The following DLD variants were observed in gnomAD, a reference collection of about 807,000 sequenced individuals.
DLD encodes dihydrolipoyl dehydrogenase, mitochondrial.
In DLD, 36 loss-of-function variants were observed where a neutral mutation model predicts 62.2. The observed-to-expected ratio is 0.58, with a 90% CI of 0.44 to 0.76. DLD has a LOEUF of 0.76. DLD is among the 30% of genes least tolerant of loss of function. DLD has a pLI of 0.00. For synonymous variants in DLD, 204 were observed against 199.6 expected (o/e 1.02, Z -0.19); for missense variants, 541 against 608.6 (o/e 0.89, Z 1.17).
chr7:107,910,597 T>G (rs2032116696), intron 8 of DLD, among the ~76,000 whole-genome samples: 1 of 152,206 alleles, frequency 6.6e-6, no homozygotes, highest in Admixed American at 6.5e-5. Context: ...TGAACAGATT[T>G]AAATTTGAAT....
At chr7:107,893,687 T>C (rs34822274) in intron 2 of DLD, 49,446 of 156,434 alleles carry the variant, frequency 0.32, 9,184 homozygotes, top group Non-Finnish European at 0.41. Flanking sequence ...GAAACAACAC[T>C]GAGAAAGGCC....
chr7:107,897,513 GACTGGCTCACTA>G (rs1474438242), intron 2 of DLD, among the ~76,000 whole-genome samples: 11 of 151,440 alleles, frequency 7.3e-5, no homozygotes, highest in African/African-American at 2.4e-4. Context: ...CAGTACACGT[GACTGGCTCACTA>G]ACTGGCACAT....
chr7:107,916,455 A>G (rs185799433), intron 9 of DLD, among the ~76,000 whole-genome samples: 18 of 152,240 alleles, frequency 1.2e-4, no homozygotes, highest in Admixed American at 1.1e-3. Context: ...TGGGCAGATC[A>G]TGAAGTCAAG....
At chr7:107,903,917 G>A (rs1365334489) in intron 5 of DLD, 1 of 196,314 alleles carries the variant, frequency 5.1e-6, no homozygotes, top group Non-Finnish European at 1.1e-5. Context: ...AGGAAGGAAG[G>A]AAGGCCCACT....
Position 107,893,259 on chromosome 7 carries a change from A to G in DLD, c.99A>G (p.Arg33=). 1 of 1,613,314 alleles carries G rather than the reference A, an allele frequency of 6.2e-7. No homozygotes were observed. Among genetic ancestry groups the G allele is most frequent in the Non-Finnish European group, 8.5e-7 (1 of 1,179,608 alleles). ...GLQGLSAVPL[R]TYADQPIDAD... ...AGGGACTTTCTGCAGTGCCTCTGAGAACTTACGCAGATCAGCCGAGTAAGT... is the reference window on the plus strand; with the variant it reads ...AGGGACTTTCTGCAGTGCCTCTGAGGACTTACGCAGATCAGCCGAGTAAGT... Residue 33 remains arginine, a synonymous_variant, in exon 2 of 14, where the codon AGA becomes AGG. Coordinates refer to ENST00000205402, the MANE Select transcript of DLD (RefSeq NM_000108.5).
intron 8 of DLD, among the ~76,000 whole-genome samples, chr7:107,908,666 CAAAA>C (rs34468175): frequency 5.4e-5 from 6 of 111,368 alleles, no homozygotes; most frequent in Admixed American, 5.3e-4. Flanking sequence ...GACCCTGTCT[CAAAA>C]AAAAAAAAAA....
chr7:107,918,296 A>G (rs2032320610), intron 12 of DLD, among the ~76,000 whole-genome samples: 1 of 152,106 alleles, frequency 6.6e-6, no homozygotes, highest in East Asian at 1.9e-4. Context: ...ACACCAGATT[A>G]TGCCCCTTAA....
At chr7:107,908,480 C>T (rs1299263838) in intron 8 of DLD, among the ~76,000 whole-genome samples, 1 of 151,694 alleles carries the variant, frequency 6.6e-6, no homozygotes, top group African/African-American at 2.4e-5. Context: ...CTAGCCTGGG[C>T]AACAATGTGA....
intron 1 of DLD, among the ~76,000 whole-genome samples, chr7:107,892,330 A>G (rs2031602597): frequency 6.6e-6 from 1 of 152,202 alleles, no homozygotes; most frequent in Admixed American, 6.5e-5. Flanking sequence ...CCAGAACGTA[A>G]GTACATTACT....
intron 3 of DLD, among the ~76,000 whole-genome samples, 178 bp downstream of exon 3, chr7:107,901,995 GA>G (rs2031887302): frequency 6.6e-6 from 1 of 152,144 alleles, no homozygotes; most frequent in South Asian, 2.1e-4. Context: ...TCTTGGAATG[GA>G]AAGTGAAATC....
intron 8 of DLD, among the ~76,000 whole-genome samples, chr7:107,912,820 G>A (rs2032176072): frequency 6.6e-6 from 1 of 152,084 alleles, no homozygotes; most frequent in East Asian, 1.9e-4. Context: ...CCATTTGTCT[G>A]TTTTTGCTTT....
Position 107,901,749 on chromosome 7 carries a change from G to T in DLD, c.130G>T (p.Val44Leu), listed in dbSNP as rs541422927. 3.1e-6 allele frequency: 5 copies of T among 1,613,476 alleles called. No homozygotes were observed. The highest frequency in any genetic ancestry group is 4.5e-5 in the East Asian group (2 of 44,802). ...TGCTTTTATCGTAGTTGATGCTGAT[G>T]TAACAGTTATAGGTTCTGGTCCTGG... The part of the protein sequence containing the change: ...TYADQPIDAD[V>L]TVIGSGPGGY... Residue 44 changes from valine to leucine, a missense_variant, in exon 3 of 14, where the codon GTA becomes TTA. Coordinates refer to ENST00000205402, the MANE Select transcript of DLD (RefSeq NM_000108.5).
At chr7:107,913,541 T>C (rs2032194630) in intron 8 of DLD, among the ~76,000 whole-genome samples, 1 of 151,918 alleles carries the variant, frequency 6.6e-6, no homozygotes, top group African/African-American at 2.4e-5. Flanking sequence ...TTGTCCACTG[T>C]TGGTGTATAT....
At chr7:107,909,267 G>C (rs1358958849) in intron 8 of DLD, among the ~76,000 whole-genome samples, 1 of 152,026 alleles carries the variant, frequency 6.6e-6, no homozygotes, top group Non-Finnish European at 1.5e-5. Flanking sequence ...TCTTGATTCT[G>C]TCACTCTTAT....
At position 107,915,655 on chromosome 7, in the gene DLD, T is replaced by G; in HGVS notation, c.834T>G (p.Val278=). ...TTAAATTTAAATTGAATACAAAGGT[T>G]ACTGGTGCTACCAAGAAGTCAGATG... is the stretch of plus-strand genomic sequence containing the variant. ...QGFKFKLNTK[V]TGATKKSDGK... is the part of the protein sequence containing the mutation. Residue 278 remains valine (V), a synonymous_variant, in exon 9 of 14, where the codon GTT becomes GTG. Transcript: ENST00000205402. 1 of 1,613,794 alleles carries G rather than the reference T, an allele frequency of 6.2e-7. No individual in the cohort carries two copies. The highest frequency in any genetic ancestry group is 1.1e-5 in the South Asian group (1 of 91,078).
intron 1 of DLD, among the ~76,000 whole-genome samples, chr7:107,892,789 C>T (rs2031620927): frequency 6.6e-6 from 1 of 152,144 alleles, no homozygotes; most frequent in South Asian, 2.1e-4. Context: ...CTCAGGTGAT[C>T]CGCCCACCTC....
chr7:107,914,478 G>T (rs1162596354), intron 8 of DLD, among the ~76,000 whole-genome samples: 1 of 152,026 alleles, frequency 6.6e-6, no homozygotes, highest in Non-Finnish European at 1.5e-5. Context: ...TCTTCTCCTA[G>T]GTGTTCTTCT....
At chr7:107,916,719 T>C in intron 9 of DLD, 75 bp from the exon 10 acceptor site, 3 of 1,426,422 alleles carry the variant, frequency 2.1e-6, no homozygotes, top group Middle Eastern at 1.8e-4. Context: ...CTTGAGAAAT[T>C]GCTGGCCTTA....
At chr7:107,891,414 G>A (rs2031569530) in intron 1 of DLD, 125 bp downstream of exon 1, 1 of 1,074,202 alleles carries the variant, frequency 9.3e-7, no homozygotes, top group African/African-American at 1.6e-5. Context: ...ACCACCCCTG[G>A]CCCCGCCTCT....
Sources: allele counts gnomAD v4.1 joint callset (sites outside exome capture counted in the v4.1 genomes callset), GRCh38; gene constraint gnomAD v4.1.1; transcripts MANE v1.5; gene names NCBI Gene and HGNC (gene_info 2026-07-23, HGNC 2026-07-21).